Variants in TUBA4A observed in about 807,000 individuals in gnomAD.
TUBA4A encodes tubulin alpha-4A chain.
TUBA4A carries 23 observed loss-of-function variants against 34.3 expected under a neutral mutation model. The ratio of observed to expected loss-of-function variants is 0.67; its 90% CI spans 0.48 to 0.95. The LOEUF (loss-of-function observed/expected upper bound fraction) is 0.95, where lower values mean the gene tolerates loss of function less well. Ranked by LOEUF, TUBA4A falls within the 40% of genes least tolerant of loss-of-function variation. The pLI is 0.00. For synonymous variants in TUBA4A, 216 were observed against 230.5 expected, an observed-to-expected ratio of 0.94 and a Z score of 0.57; for missense variants, 279 against 599.0, an observed-to-expected ratio of 0.47 and a Z score of 5.58.
rs751277119 is a variant in TUBA4A, at chr2:219,251,686, T to C, written c.254A>G (p.Gln85Arg). 3.7e-6 allele frequency: 6 copies of C among 1,613,866 alleles called. No homozygotes were observed. The highest frequency in any genetic ancestry group is 1.7e-6 in the Non-Finnish European group (2 of 1,179,942). The change falls in exon 3 of 4, where the codon CAG becomes CGG. Residue 85 changes from glutamine (Q) to arginine (R), a missense_variant. Coordinates refer to ENST00000248437, the MANE Select transcript of TUBA4A (RefSeq NM_006000.3). This position sits in a 1 kb window ranked among gnomAD's most constrained non-coding sequence, Gnocchi z 6.1. ...IDEIRNGPYR[Q>R]LFHPEQLITG... ...GATGAGCTGCTCTGGGTGGAAGAGC[T>C]GTCGGTATGGGCCATTTCGGATCTC...
Position 219,251,868 on chromosome 2 carries a change from G to A in TUBA4A, c.226+140C>T. 7.4e-7 allele frequency: 1 copy of A among 1,345,848 alleles called. No individual in the cohort carries two copies. The allele number at this position is 1,345,848 out of a possible 1,614,324, so 83.4% of individuals were successfully genotyped here. On this transcript the variant is annotated intron_variant, in intron 2 of 3. Coordinates refer to ENST00000248437, the MANE Select transcript of TUBA4A (RefSeq NM_006000.3). This position sits in a 1 kb window ranked among gnomAD's most constrained non-coding sequence, Gnocchi z 6.1. ...AGACCAGCTGCCCAGGCCAGTCTCA[G>A]ATCAGCTTGCCTTCTGCAGCTTCAA...
upstream of TUBA4A, chr2:219,254,589 G>T (rs1030865990): frequency 3.3e-5 from 5 of 152,280 alleles, no homozygotes; most frequent in African/African-American, 1.2e-4. Context: ...GGCCGCCCGC[G>T]GGTCAGTGGC....
rs1574883585 is a variant in TUBA4A at position 219,250,484 on chromosome 2, C to A, written c.1215G>T (p.Val405=). The part of the protein sequence containing the change: ...FDLMYAKRAF[V]HWYVGEGMEE... ...CCATGCCCTCACCCACATACCAGTG[C>A]ACAAACGCCCTCTTGGCATACATCA... Residue 405 remains valine (V), a synonymous_variant, in exon 4 of 4, where the codon GTG becomes GTT. Coordinates refer to ENST00000248437, the MANE Select transcript of TUBA4A (RefSeq NM_006000.3). This position sits in a 1 kb window ranked among gnomAD's most constrained non-coding sequence, Gnocchi z 8.4. 1 of 1,614,202 alleles carries A rather than the reference C, an allele frequency of 6.2e-7. No individual in the cohort carries two copies. Among genetic ancestry groups the A allele is most frequent in the Non-Finnish European group, 8.5e-7 (1 of 1,180,032 alleles).
In TUBA4A at chr2:219,249,812, TAGG is replaced by T. The variant is rs1951614464; in HGVS notation, c.*537_*539del. 1.9e-5 allele frequency: 3 copies of T among 155,084 alleles called. No homozygotes were observed. The highest frequency in any genetic ancestry group is 1.3e-4 in the Admixed American group (2 of 15,802). 9.6% of individuals were successfully genotyped at this position (155,084 alleles called of 1,614,324 possible). A position where few individuals can be genotyped will look rare whatever the true frequency, so the allele number is the denominator to read the frequency against. On this transcript the variant is annotated 3_prime_UTR_variant, in exon 4 of 4. Transcript: ENST00000248437. ...AGAGGTGCAGTGGCACAAACAACTC[TAGG>T]AGATCGCCTGTGTTCCCTCCCATCC...
chr2:219,253,768 GA>G, intron 1 of TUBA4A, 87 bp downstream of exon 1: 1 of 1,464,902 alleles, frequency 6.8e-7, no homozygotes, highest in Non-Finnish European at 9.3e-7. Flanking sequence ...ACGCCCGGTG[GA>G]GGTCCCCGAG....
chr2:219,252,541 C>CA lies in TUBA4A; in HGVS notation c.4-312_4-311insT, dbSNP rs5838729. 0.11 allele frequency among the ~76,000 whole-genome samples: 14,126 copies of CA among 127,764 alleles called. 792 individuals carry two copies. Among genetic ancestry groups the CA allele is most frequent in the South Asian group, 0.21 (862 of 4,106 alleles). 83.8% of individuals were successfully genotyped at this position (127,764 alleles called of 152,430 possible). Reference sequence around the variant, plus strand: ...AGAGGTATGGGTTTACAGCTAGAGGCCCCCCCCCCACTTGATTAATTATTT... The same window carrying CA: ...AGAGGTATGGGTTTACAGCTAGAGGCACCCCCCCCCACTTGATTAATTATTT... On this transcript the variant is annotated intron_variant, in intron 1 of 3. Coordinates refer to ENST00000248437, the MANE Select transcript of TUBA4A (RefSeq NM_006000.3). The surrounding 1 kb of genome is among the most constrained non-coding windows in gnomAD (Gnocchi z 4.1).
Position 219,251,977 on chromosome 2 carries a change from CCCCT to C in TUBA4A, c.226+27_226+30del, listed in dbSNP as rs767128080. 1 of 1,600,158 alleles carries C rather than the reference CCCCT, an allele frequency of 6.2e-7. No homozygotes were observed. ...GGAGAAGCTTTGAGTCATGCTCCAC[CCCCT>C]TCAATTTTGTCCCCACTTCCTCTCA... On this transcript the variant is annotated intron_variant, in intron 2 of 3. Coordinates refer to ENST00000248437, the MANE Select transcript of TUBA4A (RefSeq NM_006000.3). The surrounding 1 kb of genome is among the most constrained non-coding windows in gnomAD (Gnocchi z 6.1).
chr2:219,253,518 T>C lies in TUBA4A; in HGVS notation c.3+338A>G. 1.3e-5 allele frequency: 14 copies of C among 1,050,646 alleles called. No homozygotes were observed. In the South Asian group the frequency reaches 1.8e-4, roughly 13 times the overall value. The allele number at this position is 1,050,646 out of a possible 1,614,324, so 65.1% of individuals were successfully genotyped here. The stretch of plus-strand genomic sequence containing the variant: ...TAAGAGGGCAGCCAAACCCGTCTTC[T>C]TTTGCCCGCGGAAAGGACGGGGCGC... On this transcript the variant is annotated intron_variant, in intron 1 of 3. Coordinates refer to ENST00000248437, the MANE Select transcript of TUBA4A (RefSeq NM_006000.3).
In TUBA4A at chr2:219,250,278, A is replaced by C; in HGVS notation, c.*74T>G. On this transcript the variant is annotated 3_prime_UTR_variant, in exon 4 of 4. Transcript: ENST00000248437. This position sits in a 1 kb window ranked among gnomAD's most constrained non-coding sequence, Gnocchi z 8.4. The stretch of plus-strand genomic sequence containing the variant: ...AGCTCAAGCACTCAGAGGGAACAAG[A>C]AACCGTGCAAGGAAACTGTTTATTT... 6.5e-7 allele frequency: 1 copy of C among 1,539,622 alleles called. No individual in the cohort carries two copies. Among genetic ancestry groups the C allele is most frequent in the Non-Finnish European group, 8.7e-7 (1 of 1,143,472 alleles).
Position 219,252,059 on chromosome 2 carries a change from C to T in TUBA4A, c.175G>A (p.Gly59Arg). Residue 59 changes from glycine to arginine, a missense_variant, in exon 2 of 4, where the codon GGA (glycine) becomes AGA (arginine). Coordinates refer to ENST00000248437, the MANE Select transcript of TUBA4A (RefSeq NM_006000.3). This position sits in a 1 kb window ranked among gnomAD's most constrained non-coding sequence, Gnocchi z 4.1. ...AAAACTGCCCGGGGTACGTGTTTTC[C>T]AGCACCAGTTTCACAGAAGAAGGTG... ...FTTFFCETGA[G>R]KHVPRAVFVD... 1 of 1,614,164 alleles carries T rather than the reference C, an allele frequency of 6.2e-7. No homozygotes were observed. Among genetic ancestry groups the T allele is most frequent in the East Asian group, 2.2e-5 (1 of 44,886 alleles).
intron 1 of TUBA4A, chr2:219,253,403 G>C: frequency 6.5e-7 from 1 of 1,532,116 alleles, no homozygotes; most frequent in Non-Finnish European, 8.7e-7. Context: ...ACAGAGGAAA[G>C]GGGGATGCGG....
chr2:219,251,822 A>G lies in TUBA4A; in HGVS notation c.227-109T>C. 2.1e-6 allele frequency: 3 copies of G among 1,461,010 alleles called. No homozygotes were observed. The highest frequency in any genetic ancestry group is 2.4e-5 in the East Asian group (1 of 41,942). 90.5% of individuals were successfully genotyped at this position (1,461,010 alleles called of 1,614,324 possible). A position where few individuals can be genotyped will look rare whatever the true frequency, so the allele number is the denominator to read the frequency against. On this transcript the variant is annotated intron_variant, in intron 2 of 3. Transcript: ENST00000248437. The surrounding 1 kb of genome is among the most constrained non-coding windows in gnomAD (Gnocchi z 6.1). Reference sequence around the variant, plus strand: ...ACTCATCCTCCTGCCAGCCTGAGATACCAGAGTGTGAGAGAAACCCAGACC... The same window carrying G: ...ACTCATCCTCCTGCCAGCCTGAGATGCCAGAGTGTGAGAGAAACCCAGACC...
chr2:219,250,287 A>G lies in TUBA4A; in HGVS notation c.*65T>C. On this transcript the variant is annotated 3_prime_UTR_variant, in exon 4 of 4. Transcript: ENST00000248437. The surrounding 1 kb of genome is among the most constrained non-coding windows in gnomAD (Gnocchi z 8.4). The stretch of plus-strand genomic sequence containing the variant: ...ACTCAGAGGGAACAAGAAACCGTGC[A>G]AGGAAACTGTTTATTTCGAAAGGAT... 1.3e-6 allele frequency: 2 copies of G among 1,543,960 alleles called. No homozygotes were observed. The highest frequency in any genetic ancestry group is 1.7e-6 in the Non-Finnish European group (2 of 1,145,718).
chr2:219,250,613 C>T lies in TUBA4A; in HGVS notation c.1086G>A (p.Val362=). The T allele has an allele frequency of 6.2e-7, 1 of 1,614,240 alleles. No individual in the cohort carries two copies. Among genetic ancestry groups the T allele is most frequent in the Non-Finnish European group, 8.5e-7 (1 of 1,180,044 alleles). Residue 362 remains valine, a synonymous_variant, in exon 4 of 4, where the codon GTG becomes GTA. Coordinates refer to ENST00000248437, the MANE Select transcript of TUBA4A (RefSeq NM_006000.3). This position sits in a 1 kb window ranked among gnomAD's most constrained non-coding sequence, Gnocchi z 8.4. ...KVGINYQPPT[V]VPGGDLAKVQ... ...CCTTGGCCAGGTCACCCCCAGGCAC[C>T]ACAGTGGGAGGCTGGTAGTTGATAC...
chr2:219,252,036 A>G lies in TUBA4A; in HGVS notation c.198T>C (p.Val66=). The G allele has an allele frequency of 6.2e-7, 1 of 1,614,138 alleles. No homozygotes were observed. Among genetic ancestry groups the G allele is most frequent in the Non-Finnish European group, 8.5e-7 (1 of 1,180,016 alleles). The change falls in exon 2 of 4, where the codon GTT becomes GTC. Residue 66 remains valine (V), a synonymous_variant. Transcript: ENST00000248437. This position sits in a 1 kb window ranked among gnomAD's most constrained non-coding sequence, Gnocchi z 4.1. The stretch of plus-strand genomic sequence containing the variant: ...TGACCGTAGGCTCCAGATCCACAAA[A>G]ACTGCCCGGGGTACGTGTTTTCCAG... The part of the protein sequence containing the change: ...TGAGKHVPRA[V]FVDLEPTVID...
rs1390179698 is a variant in TUBA4A, at chr2:219,250,604, C to T, written c.1095G>A (p.Gly365=). ...INYQPPTVVP[G]GDLAKVQRAV... ...CACGCTGCACCTTGGCCAGGTCACCCCCAGGCACCACAGTGGGAGGCTGGT... is the reference window on the plus strand; with the variant it reads ...CACGCTGCACCTTGGCCAGGTCACCTCCAGGCACCACAGTGGGAGGCTGGT... Residue 365 remains glycine, a synonymous_variant, in exon 4 of 4, where the codon GGG becomes GGA. Transcript: ENST00000248437. The surrounding 1 kb of genome is among the most constrained non-coding windows in gnomAD (Gnocchi z 8.4). 1.2e-6 allele frequency: 2 copies of T among 1,614,126 alleles called. No individual in the cohort carries two copies. Among genetic ancestry groups the T allele is most frequent in the East Asian group, 4.5e-5 (2 of 44,896 alleles).
chr2:219,251,479 T>C lies in TUBA4A; in HGVS notation c.375+86A>G. 6.4e-7 allele frequency: 1 copy of C among 1,553,694 alleles called. No homozygotes were observed. The highest frequency in any genetic ancestry group is 8.7e-7 in the Non-Finnish European group (1 of 1,144,894). On this transcript the variant is annotated intron_variant, in intron 3 of 3. Transcript: ENST00000248437. This position sits in a 1 kb window ranked among gnomAD's most constrained non-coding sequence, Gnocchi z 6.1. ...ACTCGAGACCATGTATAGTTAGAGATGACCTCCTGAAAGGATCTGAAAAAA... is the reference window on the plus strand; with the variant it reads ...ACTCGAGACCATGTATAGTTAGAGACGACCTCCTGAAAGGATCTGAAAAAA...
At position 219,251,771 on chromosome 2, in the gene TUBA4A, G is replaced by T; in HGVS notation, c.227-58C>A. 1 of 1,572,032 alleles carries T rather than the reference G, an allele frequency of 6.4e-7. No individual in the cohort carries two copies. Among genetic ancestry groups the T allele is most frequent in the Non-Finnish European group, 8.6e-7 (1 of 1,156,314 alleles). On this transcript the variant is annotated intron_variant, in intron 2 of 3. Transcript: ENST00000248437. This position sits in a 1 kb window ranked among gnomAD's most constrained non-coding sequence, Gnocchi z 6.1. ...GCAGGGACCTTCCTCCCCCAGGGTG[G>T]TAGCTGTGGCCAGATGCATGGAAGG...
Position 219,252,558 on chromosome 2 carries a change from TAA to T in TUBA4A, c.4-330_4-329del, listed in dbSNP as rs1951666112. On this transcript the variant is annotated intron_variant, in intron 1 of 3. Transcript: ENST00000248437. The surrounding 1 kb of genome is among the most constrained non-coding windows in gnomAD (Gnocchi z 4.1). ...GCTAGAGGCCCCCCCCCCACTTGATTAATTATTTGCTTTGAGTATGAACAGCT... is the reference window on the plus strand; with the variant it reads ...GCTAGAGGCCCCCCCCCCACTTGATTTTATTTGCTTTGAGTATGAACAGCT... Among the ~76,000 whole-genome samples the T allele has an allele frequency of 7.0e-6, 1 of 142,242 alleles. No homozygotes were observed. The highest frequency in any genetic ancestry group is 2.5e-4 in the East Asian group (1 of 4,042). 93.3% of individuals were successfully genotyped at this position (142,242 alleles called of 152,430 possible).
Sources: gnomAD v4.1 joint callset for allele counts (sites outside exome capture counted in the v4.1 genomes callset) on GRCh38, gnomAD v4.1.1 for gene constraint, Gnocchi (gnomAD v3.1) non-coding constraint, MANE v1.5 for transcripts, NCBI Gene and HGNC (gene_info 2026-07-23, HGNC 2026-07-21) for gene names.